PHACTR1: variants seen among roughly 807,000 people sequenced by gnomAD.
The protein encoded by PHACTR1 is phosphatase and actin regulator 1.
PHACTR1 carries 16 observed loss-of-function variants against 69.2 expected under a neutral mutation model. The observed-to-expected ratio is 0.23, with a 90% CI of 0.16 to 0.35. PHACTR1 has a LOEUF of 0.35. PHACTR1 is among the 10% of genes least tolerant of loss of function. PHACTR1 has a pLI of 1.00. For synonymous variants in PHACTR1, 312 were observed against 284.5 expected (o/e 1.10, Z -0.97); for missense variants, 510 against 734.7 (o/e 0.69, Z 3.54).
intron 5 of PHACTR1, among the ~76,000 whole-genome samples, chr6:13,103,803 G>T (rs529036475): frequency 2.6e-4 from 40 of 152,312 alleles, no homozygotes; most frequent in African/African-American, 8.7e-4. Context: ...ACCTATATTG[G>T]CAGGGTGCAG....
intron 5 of PHACTR1, among the ~76,000 whole-genome samples, chr6:13,097,212 A>T (rs1222606280): frequency 6.6e-6 from 1 of 152,196 alleles, no homozygotes; most frequent in East Asian, 1.9e-4. Flanking sequence ...CTATTTCTAG[A>T]TCTTCAAATG....
intron 8 of PHACTR1, among the ~76,000 whole-genome samples, chr6:13,224,274 C>T (rs1769198566): frequency 6.6e-6 from 1 of 152,206 alleles, no homozygotes; most frequent in Admixed American, 6.5e-5. Flanking sequence ...CTTGAGGACT[C>T]TCTCCCATAA....
intron 4 of PHACTR1, among the ~76,000 whole-genome samples, chr6:12,997,589 C>G (rs755438578): frequency 2.7e-4 from 41 of 152,140 alleles, no homozygotes; most frequent in African/African-American, 8.9e-4. Context: ...GTTAGCATAT[C>G]CATCACCTCA....
intron 4 of PHACTR1, among the ~76,000 whole-genome samples, chr6:13,050,905 C>T (rs996121750): frequency 1.3e-5 from 2 of 152,182 alleles, no homozygotes; most frequent in African/African-American, 4.8e-5. Context: ...TCTGCTGATT[C>T]TCCCACCTGG....
chr6:12,983,694 C>A (rs79654654), intron 4 of PHACTR1, among the ~76,000 whole-genome samples: 1 of 152,150 alleles, frequency 6.6e-6, no homozygotes, highest in Non-Finnish European at 1.5e-5. Context: ...TACCCCTCCC[C>A]ACTCCCGCCA....
At chr6:13,078,338 T>G (rs1810863459) in intron 5 of PHACTR1, among the ~76,000 whole-genome samples, 1 of 152,204 alleles carries the variant, frequency 6.6e-6, no homozygotes, top group Non-Finnish European at 1.5e-5. Flanking sequence ...TTCCCTTTTT[T>G]GTAAAGACAC....
At chr6:13,208,633 C>CG (rs1554160331) in intron 8 of PHACTR1, among the ~76,000 whole-genome samples, 2 of 150,406 alleles carry the variant, frequency 1.3e-5, no homozygotes, top group African/African-American at 2.4e-5. Context: ...TGCTGCCCAC[C>CG]CCCCCAACCC....
chr6:13,207,049 A>G (rs1278047388), intron 8 of PHACTR1, among the ~76,000 whole-genome samples: 1 of 151,920 alleles, frequency 6.6e-6, no homozygotes, highest in East Asian at 1.9e-4. Context: ...ATACACATGT[A>G]CACACACACA....
Position 13,076,027 on chromosome 6 carries a change from CT to C in PHACTR1, c.415+22514del, listed in dbSNP as rs398000515. Among the ~76,000 whole-genome samples, 770 of 101,388 alleles carry C rather than the reference CT, an allele frequency of 7.6e-3. 3 individuals are homozygous for C. Among genetic ancestry groups the C allele is most frequent in the East Asian group, 0.019 (34 of 1,826 alleles). The allele number at this position is 101,388 out of a possible 152,430, so 66.5% of individuals were successfully genotyped here. ...TGAAAAAAACAATGCAAGGGAGCAT[CT>C]TTTTTTTTTTTTTTTCTGGTTGGCT... is the stretch of plus-strand genomic sequence containing the variant. On this transcript the variant is annotated intron_variant, in intron 5 of 14. Transcript: ENST00000332995.
intron 5 of PHACTR1, among the ~76,000 whole-genome samples, chr6:13,060,187 A>G (rs141104110): frequency 3.0e-4 from 45 of 152,324 alleles, no homozygotes; most frequent in Non-Finnish European, 5.0e-4. Flanking sequence ...AAAAATGTCC[A>G]TTGACACTAG....
chr6:13,159,472 G>A (rs1248684602), intron 5 of PHACTR1, among the ~76,000 whole-genome samples: 1 of 152,132 alleles, frequency 6.6e-6, no homozygotes, highest in African/African-American at 2.4e-5. Context: ...GTCCCTCCTG[G>A]GAGGAAGTAC....
At chr6:12,825,060 C>T (rs1404432565) in intron 4 of PHACTR1, among the ~76,000 whole-genome samples, 1 of 152,184 alleles carries the variant, frequency 6.6e-6, no homozygotes, top group Non-Finnish European at 1.5e-5. Context: ...AGGAGGATAA[C>T]TTGAGGTCAG....
intron 4 of PHACTR1, among the ~76,000 whole-genome samples, chr6:12,953,659 T>G (rs1006412204): frequency 2.0e-5 from 3 of 152,232 alleles, no homozygotes; most frequent in African/African-American, 7.2e-5. Context: ...GTCCCTGCCT[T>G]ACAGATTTTT....
chr6:12,920,970 AT>A (rs1362788549), intron 4 of PHACTR1, among the ~76,000 whole-genome samples: 1 of 152,222 alleles, frequency 6.6e-6, no homozygotes, highest in Non-Finnish European at 1.5e-5. Flanking sequence ...TTGGCATTTG[AT>A]TTTGGTACTA....
intron 5 of PHACTR1, among the ~76,000 whole-genome samples, chr6:13,104,679 C>T (rs999748367): frequency 1.3e-5 from 2 of 152,068 alleles, no homozygotes; most frequent in East Asian, 3.9e-4. Flanking sequence ...ATATATAAGG[C>T]CAATTTAGAA....
chr6:12,718,737 C>G lies in PHACTR1; in HGVS notation c.-8C>G, dbSNP rs745522121. On this transcript the variant is annotated 5_prime_UTR_variant, in exon 3 of 15. Transcript: ENST00000332995. ...TTCTCTCAAAACTCTGTGTTTGGAA[C>G]ATCAAGGATGGATTATCCCAAAATG... is the stretch of plus-strand genomic sequence containing the variant. 6.7e-7 allele frequency: 1 copy of G among 1,486,044 alleles called. No homozygotes were observed. Among genetic ancestry groups the G allele is most frequent in the Non-Finnish European group, 9.1e-7 (1 of 1,095,076 alleles). The allele number at this position is 1,486,044 out of a possible 1,614,324, so 92.1% of individuals were successfully genotyped here.
At chr6:12,882,023 G>A (rs1193888857) in intron 4 of PHACTR1, among the ~76,000 whole-genome samples, 2 of 152,154 alleles carry the variant, frequency 1.3e-5, no homozygotes, top group African/African-American at 4.8e-5. Context: ...ATGGTCAAAT[G>A]CTGCAGGAGA....
In PHACTR1 at chr6:13,072,950, G is replaced by A. The variant is rs143111941; in HGVS notation, c.415+19421G>A. Reference sequence around the variant, plus strand: ...ATCAAGTAGGGAAGTAGGATGTTCCGGCATTAGACAGTCTGTCCAGAGTGG... The same window carrying A: ...ATCAAGTAGGGAAGTAGGATGTTCCAGCATTAGACAGTCTGTCCAGAGTGG... On this transcript the variant is annotated intron_variant, in intron 5 of 14. Transcript: ENST00000332995. 2.4e-4 allele frequency among the ~76,000 whole-genome samples: 36 copies of A among 152,198 alleles called. No individual in the cohort carries two copies. The East Asian group carries it at 6.2e-3, about 26-fold the overall frequency.
rs112777815 is a variant in PHACTR1 at position 12,773,279 on chromosome 6, G to A, written c.250+23489G>A. On this transcript the variant is annotated intron_variant, in intron 4 of 14. Transcript: ENST00000332995. ...GATGCCAGGATTTCTTAATGGACACGCAATAACTGAAGTTTCACATTTGGG... is the reference window on the plus strand; with the variant it reads ...GATGCCAGGATTTCTTAATGGACACACAATAACTGAAGTTTCACATTTGGG... 8.3e-3 allele frequency among the ~76,000 whole-genome samples: 1,264 copies of A among 152,230 alleles called. 24 individuals are homozygous for A. Among genetic ancestry groups the A allele is most frequent in the African/African-American group, 0.029 (1,190 of 41,532 alleles).
Sources: allele counts gnomAD v4.1 joint callset (sites outside exome capture counted in the v4.1 genomes callset), GRCh38; gene constraint gnomAD v4.1.1; transcripts MANE v1.5; gene names NCBI Gene and HGNC (gene_info 2026-07-23, HGNC 2026-07-21).